Variants in XKR4 observed in about 807,000 individuals in gnomAD.
XKR4 encodes XK-related protein 4.
In XKR4, 12 loss-of-function variants were observed where a neutral mutation model predicts 53.9. The observed-to-expected ratio is 0.22, with a 90% CI of 0.14 to 0.36. The LOEUF is 0.36. XKR4 is among the 10% of genes least tolerant of loss of function. XKR4 has a pLI of 1.00. For missense variants in XKR4, 799 were observed against 859.5 expected, an observed-to-expected ratio of 0.93 and a Z score of 0.88; for synonymous variants, 354 against 362.4, an observed-to-expected ratio of 0.98 and a Z score of 0.26.
chr8:55,108,651 A>G (rs1293353879), intron 1 of XKR4, among the ~76,000 whole-genome samples: 1 of 152,178 alleles, frequency 6.6e-6, no homozygotes, highest in African/African-American at 2.4e-5. Flanking sequence ...TGGTGTTACT[A>G]TTTGAAGAGT....
At chr8:55,404,477 A>G (rs895849456) in intron 2 of XKR4, among the ~76,000 whole-genome samples, 1 of 152,202 alleles carries the variant, frequency 6.6e-6, no homozygotes, top group African/African-American at 2.4e-5. Context: ...CTTGTGTTTT[A>G]GGGGGCAATG....
intron 1 of XKR4, among the ~76,000 whole-genome samples, chr8:55,270,305 T>C (rs1818669194): frequency 6.6e-6 from 1 of 152,168 alleles, no homozygotes; most frequent in South Asian, 2.1e-4. Context: ...TTTATCATTG[T>C]CCCCACCTCC....
chr8:55,259,516 G>A (rs1230942065), intron 1 of XKR4, among the ~76,000 whole-genome samples: 1 of 152,180 alleles, frequency 6.6e-6, no homozygotes, highest in East Asian at 1.9e-4. Context: ...GCCCTTCGTT[G>A]TAACTGACTC....
intron 2 of XKR4, among the ~76,000 whole-genome samples, chr8:55,475,036 C>G (rs1020750072): frequency 6.6e-6 from 1 of 152,070 alleles, no homozygotes; most frequent in Non-Finnish European, 1.5e-5. Context: ...ACATGTTATA[C>G]AACTAAAAAC....
intron 1 of XKR4, among the ~76,000 whole-genome samples, chr8:55,223,715 G>T (rs1353037346): frequency 6.6e-6 from 1 of 152,096 alleles, no homozygotes; most frequent in Non-Finnish European, 1.5e-5. Context: ...AGGGATAAAA[G>T]AAATAAAAAT....
chr8:55,125,694 T>A (rs1187516672), intron 1 of XKR4, among the ~76,000 whole-genome samples: 1 of 151,936 alleles, frequency 6.6e-6, no homozygotes, highest in Non-Finnish European at 1.5e-5. Flanking sequence ...AGCATCAAAT[T>A]TCTTACCAAT....
chr8:55,314,816 A>G (rs1047919226), intron 1 of XKR4, among the ~76,000 whole-genome samples: 2 of 152,110 alleles, frequency 1.3e-5, no homozygotes, highest in African/African-American at 2.4e-5. Context: ...CATCCGCAAA[A>G]TGGTGAGGAT....
At chr8:55,481,497 A>G (rs969899127) in intron 2 of XKR4, among the ~76,000 whole-genome samples, 1 of 152,196 alleles carries the variant, frequency 6.6e-6, no homozygotes, top group Non-Finnish European at 1.5e-5. Flanking sequence ...CAAGGACTTC[A>G]TGTCTAAAAC....
intron 2 of XKR4, among the ~76,000 whole-genome samples, chr8:55,397,585 G>GTT (rs11405803): frequency 0.12 from 18,138 of 147,974 alleles, 2,522 homozygotes; most frequent in African/African-American, 0.34. Context: ...GAAGTTCAAT[G>GTT]TTTTTTTTTT....
At chr8:55,298,333 C>T (rs1021805135) in intron 1 of XKR4, among the ~76,000 whole-genome samples, 1 of 152,002 alleles carries the variant, frequency 6.6e-6, no homozygotes, top group Non-Finnish European at 1.5e-5. Flanking sequence ...TGTGTTAGTC[C>T]GTTTGCATTG....
intron 1 of XKR4, among the ~76,000 whole-genome samples, chr8:55,177,399 T>G (rs2129359280): frequency 6.6e-6 from 1 of 152,258 alleles, no homozygotes. Context: ...AGTACTGGGC[T>G]CCCACCCAGG....
chr8:55,315,935 G>C (rs1047690395), intron 1 of XKR4, among the ~76,000 whole-genome samples: 5 of 152,148 alleles, frequency 3.3e-5, no homozygotes, highest in African/African-American at 7.2e-5. Context: ...TGTGATTTGA[G>C]CTAAAGGCAA....
chr8:55,487,130 A>G (rs1429718662), intron 2 of XKR4, among the ~76,000 whole-genome samples: 2 of 152,196 alleles, frequency 1.3e-5, no homozygotes, highest in Non-Finnish European at 2.9e-5. Context: ...ATGGCCTCAG[A>G]GCCAGGAAAT....
At chr8:55,184,179 G>C (rs1817348191) in intron 1 of XKR4, among the ~76,000 whole-genome samples, 3 of 151,982 alleles carry the variant, frequency 2.0e-5, no homozygotes, top group African/African-American at 7.2e-5. Flanking sequence ...TGCAATGCTG[G>C]GTTTTGTTGG....
At chr8:55,370,712 G>C (rs1372974912) in intron 2 of XKR4, among the ~76,000 whole-genome samples, 1 of 152,070 alleles carries the variant, frequency 6.6e-6, no homozygotes, top group Admixed American at 6.5e-5. Flanking sequence ...TAAGCCCTCA[G>C]GGTATAAAAG....
At chr8:55,429,497 C>T (rs1019462360) in intron 2 of XKR4, among the ~76,000 whole-genome samples, 5 of 151,974 alleles carry the variant, frequency 3.3e-5, no homozygotes, top group African/African-American at 1.2e-4. Flanking sequence ...TTGCTTGAGG[C>T]CAGCAGTTCA....
rs186046338 is a variant in XKR4 at position 55,373,599 on chromosome 8, C to T, written c.1006+15722C>T. Among the ~76,000 whole-genome samples, 880 of 152,280 alleles carry T rather than the reference C, an allele frequency of 5.8e-3. 4 individuals are homozygous for T. Among genetic ancestry groups the T allele is most frequent in the Non-Finnish European group, 9.1e-3 (621 of 68,036 alleles). ...CAGCATAGAGCCTTCAATGAAGGGG[C>T]ACCTCCAGATATTTGTTATCTAAAA... On this transcript the variant is annotated intron_variant, in intron 2 of 2. Coordinates refer to ENST00000327381, the MANE Select transcript of XKR4 (RefSeq NM_052898.2).
rs555147628 is a variant in XKR4, at chr8:55,452,384, G to A, written c.1007-70897G>A. On this transcript the variant is annotated intron_variant, in intron 2 of 2. Transcript: ENST00000327381. ...TGAGCATCCCCGTGAAGATGACCCG[G>A]TACGTAGTGAGGAAGAGGGCGCCCT... 5.2e-5 allele frequency: 33 copies of A among 631,228 alleles called. No individual in the cohort carries two copies. The East Asian group carries it at 9.4e-4, about 18-fold the overall frequency. 39.1% of individuals were successfully genotyped at this position (631,228 alleles called of 1,614,324 possible).
At chr8:55,453,823 C>A in intron 2 of XKR4, 2 of 487,446 alleles carry the variant, frequency 4.1e-6, no homozygotes, top group Non-Finnish European at 7.9e-6. Context: ...CATCCACCCA[C>A]CTCTGTGCCA....
Sources: allele counts gnomAD v4.1 joint callset (sites outside exome capture counted in the v4.1 genomes callset), GRCh38; gene constraint gnomAD v4.1.1; transcripts MANE v1.5; gene names NCBI Gene and HGNC (gene_info 2026-07-23, HGNC 2026-07-21).